PTPRN2: variants seen among roughly 807,000 people sequenced by gnomAD.
The protein encoded by PTPRN2 is receptor-type tyrosine-protein phosphatase N2.
PTPRN2 carries 74 observed loss-of-function variants against 118.8 expected under a neutral mutation model. That is an observed-to-expected ratio of 0.62 (90% CI 0.52 to 0.76). The LOEUF (loss-of-function observed/expected upper bound fraction) is 0.76, where lower values mean the gene tolerates loss of function less well. Ranked by LOEUF, PTPRN2 falls within the 30% of genes least tolerant of loss-of-function variation. The probability of loss-of-function intolerance (pLI) is 0.00; values close to 1 mark genes in which losing one functional copy is unlikely to be tolerated. For synonymous variants in PTPRN2, 641 were observed against 608.0 expected (o/e 1.05, Z -0.80); for missense variants, 1,481 against 1,394.4 (o/e 1.06, Z -0.99).
intron 22 of PTPRN2, among the ~76,000 whole-genome samples, chr7:157,543,529 TGC>T (rs1798112586): frequency 2.0e-5 from 3 of 152,222 alleles, no homozygotes; most frequent in African/African-American, 7.2e-5. Context: ...CTGCAGGAGC[TGC>T]CATGGCTCTC....
chr7:158,038,599 AAATAT>A (rs1293972961), intron 11 of PTPRN2, among the ~76,000 whole-genome samples: 2 of 151,392 alleles, frequency 1.3e-5, no homozygotes, highest in African/African-American at 2.4e-5. Flanking sequence ...ACTAGTATTC[AAATAT>A]AATTACATAC....
chr7:157,879,137 T>A (rs1308202452), intron 12 of PTPRN2, among the ~76,000 whole-genome samples: 21 of 147,238 alleles, frequency 1.4e-4, no homozygotes, highest in African/African-American at 2.3e-4. Context: ...GCTCTCGGAT[T>A]CCGTGGGGCT....
chr7:158,171,109 TATATACACAC>T (rs1308884747), intron 5 of PTPRN2, among the ~76,000 whole-genome samples: 1 of 104,216 alleles, frequency 9.6e-6, no homozygotes, highest in Non-Finnish European at 1.8e-5. Flanking sequence ...TATACACATA[TATATACACAC>T]ATATATACAC....
intron 12 of PTPRN2, among the ~76,000 whole-genome samples, chr7:157,824,769 G>A (rs1807064759): frequency 6.6e-6 from 1 of 152,200 alleles, no homozygotes; most frequent in Non-Finnish European, 1.5e-5. Context: ...AACTAGTGCT[G>A]TGCCCCAAAT....
At chr7:158,364,838 A>C (rs1563203946) in intron 2 of PTPRN2, among the ~76,000 whole-genome samples, 2 of 152,210 alleles carry the variant, frequency 1.3e-5, no homozygotes, top group Non-Finnish European at 2.9e-5. Flanking sequence ...TGGCCTGGAA[A>C]GTCATAGGCA....
chr7:158,382,615 T>C (rs4457284), intron 2 of PTPRN2, among the ~76,000 whole-genome samples: 134,436 of 152,022 alleles, frequency 0.88, 60,824 homozygotes, highest in Non-Finnish European at 0.97. Flanking sequence ...GCCTGAGTTC[T>C]GCTGCCTGTC....
intron 12 of PTPRN2, among the ~76,000 whole-genome samples, chr7:157,757,721 A>G (rs1347985822): frequency 6.6e-6 from 1 of 151,916 alleles, no homozygotes; most frequent in Non-Finnish European, 1.5e-5. Flanking sequence ...TATTATTGCA[A>G]TTTAAAAACC....
rs544375697 is a variant in PTPRN2 at position 157,904,493 on chromosome 7, C to T, written c.1724-5756G>A. ...AAACTCCACCATCCTCTGGAAAGCC[C>T]GACAGTGCCCTGAGCAGGTGCCGGG... On this transcript the variant is annotated intron_variant, in intron 11 of 22. Coordinates refer to ENST00000389418, the MANE Select transcript of PTPRN2 (RefSeq NM_002847.5). 2.6e-5 allele frequency among the ~76,000 whole-genome samples: 4 copies of T among 152,332 alleles called. No individual in the cohort carries two copies. The East Asian group carries it at 5.8e-4, about 22-fold the overall frequency.
intron 12 of PTPRN2, among the ~76,000 whole-genome samples, chr7:157,877,226 C>T (rs550489833): frequency 1.7e-4 from 25 of 143,078 alleles, no homozygotes; most frequent in Admixed American, 9.0e-4. Flanking sequence ...AGGGTTTTCT[C>T]GGGGACCCCG....
chr7:157,796,167 G>A (rs777057674), intron 12 of PTPRN2, among the ~76,000 whole-genome samples: 1 of 152,226 alleles, frequency 6.6e-6, no homozygotes, highest in Non-Finnish European at 1.5e-5. Context: ...TTAGAGACGC[G>A]GGGATGCCCA....
chr7:158,516,949 C>T lies in PTPRN2; in HGVS notation c.113-27164G>A, dbSNP rs545366539. Among the ~76,000 whole-genome samples, 3 of 152,322 alleles carry T rather than the reference C, an allele frequency of 2.0e-5. No individual in the cohort carries two copies. In the South Asian group the frequency reaches 6.2e-4, roughly 32 times the overall value. ...TTCCTGTAACCTGCAAGGCTTTTCTCCACACTACACCATGGAAAGTCCTCT... is the reference window on the plus strand; with the variant it reads ...TTCCTGTAACCTGCAAGGCTTTTCTTCACACTACACCATGGAAAGTCCTCT... On this transcript the variant is annotated intron_variant, in intron 1 of 22. Coordinates refer to ENST00000389418, the MANE Select transcript of PTPRN2 (RefSeq NM_002847.5).
At chr7:157,552,877 C>G (rs1798702835) in intron 21 of PTPRN2, among the ~76,000 whole-genome samples, 1 of 152,172 alleles carries the variant, frequency 6.6e-6, no homozygotes, top group Admixed American at 6.5e-5. Context: ...CCTCCCGTTT[C>G]CAGGGTCCAG....
At position 158,351,554 on chromosome 7, in the gene PTPRN2, G is replaced by A. The variant is rs557779655; in HGVS notation, c.164-34622C>T. 1.1e-4 allele frequency among the ~76,000 whole-genome samples: 16 copies of A among 152,266 alleles called. No homozygotes were observed. In the East Asian group the frequency reaches 2.1e-3, roughly 20 times the overall value. Reference sequence around the variant, plus strand: ...AAAACATTACGGGCACTTTAGCCCCGCGTTTCTTACTACACGAAACATGGT... The same window carrying A: ...AAAACATTACGGGCACTTTAGCCCCACGTTTCTTACTACACGAAACATGGT... On this transcript the variant is annotated intron_variant, in intron 2 of 22. Transcript: ENST00000389418.
intron 6 of PTPRN2, among the ~76,000 whole-genome samples, chr7:158,151,050 GCC>G (rs1820991590): frequency 7.0e-6 from 1 of 143,098 alleles, no homozygotes. Context: ...GCCCCTGCCT[GCC>G]CACACTGCCC....
At chr7:158,337,259 T>C (rs1162867960) in intron 2 of PTPRN2, among the ~76,000 whole-genome samples, 8 of 146,586 alleles carry the variant, frequency 5.5e-5, no homozygotes, top group Admixed American at 2.7e-4. Context: ...AGCTGACACC[T>C]GCAGACGTCA....
intron 12 of PTPRN2, among the ~76,000 whole-genome samples, chr7:157,745,273 C>A (rs1399433285): frequency 6.6e-6 from 1 of 152,220 alleles, no homozygotes; most frequent in Non-Finnish European, 1.5e-5. Flanking sequence ...CAGCCCAGGT[C>A]ATCACAGATC....
intron 12 of PTPRN2, among the ~76,000 whole-genome samples, chr7:157,696,148 C>T (rs1235100143): frequency 7.0e-6 from 1 of 142,166 alleles, no homozygotes; most frequent in Non-Finnish European, 1.5e-5. Context: ...AGAGCCCTCA[C>T]CATCTACCCA....
intron 1 of PTPRN2, among the ~76,000 whole-genome samples, chr7:158,560,677 G>A (rs974168660): frequency 6.6e-6 from 1 of 152,260 alleles, no homozygotes; most frequent in African/African-American, 2.4e-5. Flanking sequence ...CCCACCATGA[G>A]CAGGGGCACA....
In PTPRN2 at chr7:157,632,538, T is replaced by C. The variant is rs75509454; in HGVS notation, c.2197-11029A>G. 3.4e-3 allele frequency among the ~76,000 whole-genome samples: 511 copies of C among 152,280 alleles called. 5 individuals are homozygous for C. The highest frequency in any genetic ancestry group is 0.011 in the African/African-American group (471 of 41,546). On this transcript the variant is annotated intron_variant, in intron 14 of 22. Coordinates refer to ENST00000389418, the MANE Select transcript of PTPRN2 (RefSeq NM_002847.5). This position sits in a 1 kb window ranked among gnomAD's most constrained non-coding sequence, Gnocchi z 4.3. ...GGGAAAGTCTTGTTCTTTCATACGA[T>C]TGATGGATTGTTTTACGTTGGGCAT...
Sources: gnomAD v4.1 joint callset for allele counts (sites outside exome capture counted in the v4.1 genomes callset) on GRCh38, gnomAD v4.1.1 for gene constraint, Gnocchi (gnomAD v3.1) non-coding constraint, MANE v1.5 for transcripts, NCBI Gene and HGNC (gene_info 2026-07-23, HGNC 2026-07-21) for gene names.